Variants in PLXNA4 observed in about 807,000 individuals in gnomAD.
PLXNA4 encodes the protein plexin A4.
In PLXNA4, 44 loss-of-function variants were observed where a neutral mutation model predicts 191.8. That is an observed-to-expected ratio of 0.23 (90% CI 0.18 to 0.29). The LOEUF is 0.29. Ranked by LOEUF, PLXNA4 falls within the 10% of genes least tolerant of loss-of-function variation. The pLI, the probability that PLXNA4 is intolerant of heterozygous loss-of-function variation, is 1.00. For missense variants in PLXNA4, 1,800 were observed against 2,488.8 expected, an observed-to-expected ratio of 0.72 and a Z score of 5.89; for synonymous variants, 1,082 against 1,009.5, an observed-to-expected ratio of 1.07 and a Z score of -1.36.
rs563321677 is a variant in PLXNA4 at position 132,179,672 on chromosome 7, G to T, written c.3874+15C>A. ...CGCACACACACATGGCCTCCAGCAT[G>T]GGGCCACTCAGTACCTTCCTTGCAC... On this transcript the variant is annotated intron_variant, in intron 20 of 31. Transcript: ENST00000321063. 2.9e-5 allele frequency: 47 copies of T among 1,605,300 alleles called. No homozygotes were observed. In the South Asian group the frequency reaches 4.6e-4, roughly 16 times the overall value.
intron 3 of PLXNA4, among the ~76,000 whole-genome samples, chr7:132,450,118 C>G (rs1156667341): frequency 6.6e-6 from 1 of 152,204 alleles, no homozygotes; most frequent in African/African-American, 2.4e-5. Flanking sequence ...GGTGAGCACA[C>G]TGATATCCAC....
chr7:132,335,240 A>G (rs1453294128), intron 3 of PLXNA4, among the ~76,000 whole-genome samples: 1 of 152,252 alleles, frequency 6.6e-6, no homozygotes, highest in Non-Finnish European at 1.5e-5. Context: ...GAGCCATATC[A>G]GAAATTAGGA....
intron 3 of PLXNA4, among the ~76,000 whole-genome samples, chr7:132,422,927 C>T (rs902741947): frequency 1.3e-5 from 2 of 152,216 alleles, no homozygotes; most frequent in African/African-American, 4.8e-5. Context: ...ATCTGCCAAG[C>T]AAAGCCTCCC....
intron 3 of PLXNA4, among the ~76,000 whole-genome samples, chr7:132,404,819 CTAT>C (rs1162613873): frequency 6.6e-6 from 1 of 152,050 alleles, no homozygotes; most frequent in Non-Finnish European, 1.5e-5. Context: ...CCTACTACTA[CTAT>C]TATTATCCCT....
chr7:132,465,593 G>A (rs1796669186), intron 3 of PLXNA4, among the ~76,000 whole-genome samples: 1 of 152,084 alleles, frequency 6.6e-6, no homozygotes, highest in Admixed American at 6.5e-5. Flanking sequence ...AATCTCTCTG[G>A]GCATGTGGCT....
At chr7:132,269,820 G>T (rs566286197) in intron 4 of PLXNA4, among the ~76,000 whole-genome samples, 1 of 152,250 alleles carries the variant, frequency 6.6e-6, no homozygotes, top group South Asian at 2.1e-4. Context: ...CTGCTGGGAT[G>T]TCTGATATTG....
At chr7:132,211,657 G>A (rs1797805523) in intron 9 of PLXNA4, among the ~76,000 whole-genome samples, 2 of 152,196 alleles carry the variant, frequency 1.3e-5, no homozygotes. Context: ...TAAATGGGCT[G>A]AATCTGATGT....
Position 132,151,265 on chromosome 7 carries a change from G to A in PLXNA4, c.4661-2619C>T, listed in dbSNP as rs918303457. Among the ~76,000 whole-genome samples, 3 of 108,256 alleles carry A rather than the reference G, an allele frequency of 2.8e-5. No individual in the cohort carries two copies. In the East Asian group the frequency reaches 9.9e-4, roughly 36 times the overall value. The allele number at this position is 108,256 out of a possible 152,430, so 71.0% of individuals were successfully genotyped here. A position where few individuals can be genotyped will look rare whatever the true frequency, so the allele number is the denominator to read the frequency against. ...GGATGAAGAGGAAGAAGAAGGAGGA[G>A]GAGGAAGAAGAAGGAGGAGGAGGAG... On this transcript the variant is annotated intron_variant, in intron 25 of 31. Transcript: ENST00000321063.
chr7:132,439,213 G>A (rs113399059), intron 3 of PLXNA4, among the ~76,000 whole-genome samples: 1,730 of 152,248 alleles, frequency 0.011, 16 homozygotes, highest in South Asian at 0.026. Flanking sequence ...CTTCAGACAC[G>A]TGGCCCACAG....
At chr7:132,143,260 G>A (rs1795321652) in intron 29 of PLXNA4, among the ~76,000 whole-genome samples, 1 of 152,094 alleles carries the variant, frequency 6.6e-6, no homozygotes, top group Non-Finnish European at 1.5e-5. Flanking sequence ...AGGGTTGGGG[G>A]AAAGTGTCCT....
chr7:132,172,495 G>T (rs1162520274), intron 21 of PLXNA4, among the ~76,000 whole-genome samples: 1 of 152,098 alleles, frequency 6.6e-6, no homozygotes, highest in Non-Finnish European at 1.5e-5. Context: ...TGAAAGGGCT[G>T]GGAAACACTG....
intron 3 of PLXNA4, among the ~76,000 whole-genome samples, chr7:132,369,103 T>C (rs1804319550): frequency 6.6e-6 from 1 of 152,134 alleles, no homozygotes; most frequent in African/African-American, 2.4e-5. Context: ...CCAGAGCCTC[T>C]CCCAGCCCTT....
chr7:132,556,849 A>G (rs1800823134), intron 1 of PLXNA4, among the ~76,000 whole-genome samples: 1 of 152,246 alleles, frequency 6.6e-6, no homozygotes, highest in Non-Finnish European at 1.5e-5. Context: ...ATATGAGAGA[A>G]GTCATTTAAT....
chr7:132,499,793 G>T (rs149588281), intron 2 of PLXNA4, among the ~76,000 whole-genome samples: 1 of 152,228 alleles, frequency 6.6e-6, no homozygotes, highest in East Asian at 1.9e-4. Flanking sequence ...GTGGGTCTGG[G>T]TAATGTTGCC....
chr7:132,437,025 T>C (rs772048094), intron 3 of PLXNA4, among the ~76,000 whole-genome samples: 1 of 152,178 alleles, frequency 6.6e-6, no homozygotes, highest in Non-Finnish European at 1.5e-5. Flanking sequence ...CATATACACA[T>C]GCCTTGCTCA....
chr7:132,436,860 G>A lies in PLXNA4; in HGVS notation c.1371+52432C>T, dbSNP rs116008321. On this transcript the variant is annotated intron_variant, in intron 3 of 31. Coordinates refer to ENST00000321063, the MANE Select transcript of PLXNA4 (RefSeq NM_020911.2). ...TGCGGTCCCTGTTGGTGGCTTCACA[G>A]CTGCTATACCCCACTCAATGCAGGC... Among the ~76,000 whole-genome samples, 1,170 of 152,286 alleles carry A rather than the reference G, an allele frequency of 7.7e-3. 16 individuals are homozygous for A. Among genetic ancestry groups the A allele is most frequent in the African/African-American group, 0.027 (1,108 of 41,540 alleles).
intron 2 of PLXNA4, among the ~76,000 whole-genome samples, chr7:132,610,623 C>T (rs1044366359): frequency 1.3e-5 from 2 of 152,242 alleles, no homozygotes; most frequent in Non-Finnish European, 2.9e-5. Flanking sequence ...GTCTTCAAGA[C>T]TAAAACGTGC....
Position 132,499,980 on chromosome 7 carries a change from A to G in PLXNA4, c.1188+7526T>C, listed in dbSNP as rs889198025. On this transcript the variant is annotated intron_variant, in intron 2 of 31. Coordinates refer to ENST00000321063, the MANE Select transcript of PLXNA4 (RefSeq NM_020911.2). ...ACATGTAAATTGAGAGGCCAGATGGAGAAGAGCTCTCTCAGTTGTCTCTTT... is the reference window on the plus strand; with the variant it reads ...ACATGTAAATTGAGAGGCCAGATGGGGAAGAGCTCTCTCAGTTGTCTCTTT... Among the ~76,000 whole-genome samples the G allele has an allele frequency of 6.7e-4, 102 of 152,156 alleles. 1 individual carries two copies. Among genetic ancestry groups the G allele is most frequent in the Non-Finnish European group, 1.8e-4 (12 of 68,030 alleles).
intron 2 of PLXNA4, among the ~76,000 whole-genome samples, chr7:132,635,872 G>T (rs934634263): frequency 6.6e-6 from 1 of 152,130 alleles, no homozygotes. Flanking sequence ...TTTTCCAAGG[G>T]CCGGGTTATT....
Sources: gnomAD v4.1 joint callset for allele counts (sites outside exome capture counted in the v4.1 genomes callset) on GRCh38, gnomAD v4.1.1 for gene constraint, MANE v1.5 for transcripts, NCBI Gene and HGNC (gene_info 2026-07-23, HGNC 2026-07-21) for gene names.